Variants in IPCEF1 observed in about 807,000 individuals in gnomAD.
The protein encoded by IPCEF1 is interactor protein for cytohesin exchange factors 1.
A neutral mutation model predicts 50.9 loss-of-function variants in IPCEF1; 31 were observed. The observed-to-expected ratio is 0.61, with a 90% CI of 0.46 to 0.82. IPCEF1 has a LOEUF of 0.82. IPCEF1 is among the 40% of genes least tolerant of loss of function. IPCEF1 has a pLI of 0.00. For missense variants in IPCEF1, 458 were observed against 514.0 expected (o/e 0.89, Z 1.05); for synonymous variants, 181 against 192.0 (o/e 0.94, Z 0.47).
chr6:154,251,461 C>A (rs949111454), intron 3 of IPCEF1, among the ~76,000 whole-genome samples: 1 of 152,104 alleles, frequency 6.6e-6, no homozygotes, highest in Middle Eastern at 3.2e-3. Flanking sequence ...ATGTGCCAGG[C>A]GCTGCTCTGA....
At chr6:154,339,463 T>A (rs1025982088) in intron 1 of IPCEF1, among the ~76,000 whole-genome samples, 2 of 151,590 alleles carry the variant, frequency 1.3e-5, no homozygotes, top group Non-Finnish European at 2.9e-5. Context: ...AATTTAGAGA[T>A]AGCGTCTTGC....
intron 5 of IPCEF1, among the ~76,000 whole-genome samples, chr6:154,227,314 A>G (rs1779335266): frequency 6.6e-6 from 1 of 152,270 alleles, no homozygotes; most frequent in African/African-American, 2.4e-5. Context: ...ATTAGTTTCT[A>G]GACAACTCAT....
intron 5 of IPCEF1, among the ~76,000 whole-genome samples, chr6:154,245,850 C>G (rs1780991177): frequency 6.6e-6 from 1 of 152,194 alleles, no homozygotes; most frequent in Non-Finnish European, 1.5e-5. Flanking sequence ...CAACATGATT[C>G]AGGTCACGAA....
intron 2 of IPCEF1, among the ~76,000 whole-genome samples, chr6:154,270,980 GACAA>G (rs774089584): frequency 6.6e-6 from 1 of 151,710 alleles, no homozygotes; most frequent in Non-Finnish European, 1.5e-5. Context: ...TGTTCCAAAA[GACAA>G]ACAAACAAAC....
chr6:154,275,180 T>G (rs2128660462), intron 2 of IPCEF1, among the ~76,000 whole-genome samples: 1 of 152,224 alleles, frequency 6.6e-6, no homozygotes, highest in East Asian at 1.9e-4. Context: ...TACTCTAAGA[T>G]CCAAGCTAGC....
At chr6:154,185,156 A>T (rs1023543622) in intron 10 of IPCEF1, among the ~76,000 whole-genome samples, 19 of 152,182 alleles carry the variant, frequency 1.2e-4, no homozygotes, top group African/African-American at 4.6e-4. Flanking sequence ...TCTTACCATG[A>T]TATACTCAGC....
Position 154,240,749 on chromosome 6 carries a change from T to C in IPCEF1, c.246+5842A>G, listed in dbSNP as rs533034368. 1.5e-4 allele frequency among the ~76,000 whole-genome samples: 23 copies of C among 152,322 alleles called. 3 individuals carry two copies. Among genetic ancestry groups the C allele is most frequent in the South Asian group, 6.2e-4 (3 of 4,830 alleles). On this transcript the variant is annotated intron_variant, in intron 5 of 11. Coordinates refer to ENST00000367220, the MANE Select transcript of IPCEF1 (RefSeq NM_001130700.2). ...CATGAAGTGTGCATGCAGCTAGAGA[T>C]GGAACACATCTCATGCAGACAGTTA...
chr6:154,204,534 T>C (rs1041156153), intron 9 of IPCEF1, among the ~76,000 whole-genome samples: 2 of 152,100 alleles, frequency 1.3e-5, no homozygotes, highest in African/African-American at 4.8e-5. Flanking sequence ...AGGAGAAGCA[T>C]CACCCTAAAT....
chr6:154,206,288 T>C (rs1448955026), intron 9 of IPCEF1, among the ~76,000 whole-genome samples: 1 of 152,106 alleles, frequency 6.6e-6, no homozygotes, highest in African/African-American at 2.4e-5. Context: ...TCTGTGAGAG[T>C]CAAATGAAAT....
chr6:154,254,023 T>C (rs1406919754), intron 3 of IPCEF1, among the ~76,000 whole-genome samples: 1 of 152,220 alleles, frequency 6.6e-6, no homozygotes, highest in African/African-American at 2.4e-5. Flanking sequence ...TGTATCGCCT[T>C]GTTTTTCCAT....
chr6:154,343,964 C>T (rs1783973850), intron 1 of IPCEF1, among the ~76,000 whole-genome samples: 1 of 152,216 alleles, frequency 6.6e-6, no homozygotes, highest in African/African-American at 2.4e-5. Context: ...CATCAAGGCG[C>T]CCTGCATTTG....
chr6:154,185,727 T>C (rs1801281202), intron 10 of IPCEF1, among the ~76,000 whole-genome samples: 1 of 152,214 alleles, frequency 6.6e-6, no homozygotes, highest in Admixed American at 6.5e-5. Flanking sequence ...AGAAGAACTG[T>C]CTTGGGCTAC....
chr6:154,224,532 AC>A (rs1455981625), intron 5 of IPCEF1, among the ~76,000 whole-genome samples: 1 of 151,868 alleles, frequency 6.6e-6, no homozygotes. Context: ...ACACGGTGAA[AC>A]CCCATCTCTA....
chr6:154,249,273 C>A (rs17214592), intron 3 of IPCEF1, among the ~76,000 whole-genome samples: 20,438 of 152,164 alleles, frequency 0.13, 1,550 homozygotes, highest in Non-Finnish European at 0.17. Context: ...TCTCCTGGGA[C>A]CTTTTTTTGA....
intron 1 of IPCEF1, among the ~76,000 whole-genome samples, chr6:154,296,344 C>T (rs985377666): frequency 2.6e-5 from 4 of 152,124 alleles, no homozygotes; most frequent in African/African-American, 9.7e-5. Flanking sequence ...TTCTCGGATC[C>T]ACCGTTGCCT....
intron 5 of IPCEF1, among the ~76,000 whole-genome samples, chr6:154,235,531 CAAAAAAAAAA>C (rs34877577): frequency 1.0e-5 from 1 of 97,594 alleles, no homozygotes; most frequent in South Asian, 3.7e-4. Context: ...AACTCTGTCA[CAAAAAAAAAA>C]AAAAAAAAAA....
rs893689193 is a variant in IPCEF1 at position 154,157,160 on chromosome 6, G to A, written c.*2668C>T. On this transcript the variant is annotated 3_prime_UTR_variant, in exon 12 of 12. Coordinates refer to ENST00000367220, the MANE Select transcript of IPCEF1 (RefSeq NM_001130700.2). ...CCAGAAAAGTGGCTTGAGGCCAAGA[G>A]AGAGAAGCCCATGTCTTCCTACATT... is the stretch of plus-strand genomic sequence containing the variant. 3.3e-5 allele frequency: 5 copies of A among 152,232 alleles called. No homozygotes were observed. Among genetic ancestry groups the A allele is most frequent in the African/African-American group, 9.6e-5 (4 of 41,456 alleles). The allele number at this position is 152,232 out of a possible 1,614,324, so 9.4% of individuals were successfully genotyped here.
intron 5 of IPCEF1, among the ~76,000 whole-genome samples, chr6:154,233,535 C>T (rs552961270): frequency 6.6e-6 from 1 of 151,832 alleles, no homozygotes; most frequent in East Asian, 1.9e-4. Flanking sequence ...ACATAGACAA[C>T]ATTTGGTAAA....
intron 10 of IPCEF1, among the ~76,000 whole-genome samples, chr6:154,193,057 G>C (rs996742906): frequency 3.3e-5 from 5 of 152,168 alleles, no homozygotes; most frequent in African/African-American, 1.2e-4. Flanking sequence ...TACGAAGAAG[G>C]ATACTTGCAT....
Sources: allele counts gnomAD v4.1 joint callset (sites outside exome capture counted in the v4.1 genomes callset), GRCh38; gene constraint gnomAD v4.1.1; transcripts MANE v1.5; gene names NCBI Gene and HGNC (gene_info 2026-07-23, HGNC 2026-07-21).